Variants in BICC1 observed in about 807,000 individuals in gnomAD.
BICC1 encodes the protein BicC family RNA binding protein 1.
In BICC1, 43 loss-of-function variants were observed where a neutral mutation model predicts 111.0. The observed-to-expected ratio is 0.39, with a 90% confidence interval of 0.30 to 0.50. The LOEUF is 0.50. Among genes scored for constraint, BICC1 ranks in the 20% least tolerant of loss-of-function variants. The pLI is 0.88. For missense variants in BICC1, 1,091 were observed against 1,203.2 expected (o/e 0.91, Z 1.38); for synonymous variants, 467 against 434.4 (o/e 1.07, Z -0.93).
intron 3 of BICC1, among the ~76,000 whole-genome samples, chr10:58,726,815 G>A (rs545325986): frequency 6.6e-6 from 1 of 152,276 alleles, no homozygotes; most frequent in African/African-American, 2.4e-5. Context: ...ACTTCTTAAG[G>A]TTGAATACAC....
intron 1 of BICC1, among the ~76,000 whole-genome samples, chr10:58,545,810 A>G (rs866856197): frequency 2.0e-5 from 3 of 151,872 alleles, no homozygotes; most frequent in African/African-American, 4.8e-5. Flanking sequence ...TGTGTTTACT[A>G]CCTCCAACCA....
chr10:58,632,988 A>G (rs748937847), intron 2 of BICC1, among the ~76,000 whole-genome samples: 3 of 152,202 alleles, frequency 2.0e-5, no homozygotes, highest in South Asian at 4.1e-4. Flanking sequence ...TATTGTTTCT[A>G]TTCATTATTG....
Position 58,513,304 on chromosome 10 carries a change from A to G in BICC1, c.161A>G (p.Asp54Gly). ...PEWSEERFRV[D>G]RKKLEAMLQA... ...TGGAGCGAGGAGCGCTTCCGCGTGG[A>G]CAGGAAGAAACTTGAGGCCATGTTA... Residue 54 changes from aspartate to glycine, a missense_variant, in exon 1 of 21, where the codon GAC (aspartate) becomes GGC (glycine). Physicochemically the swap from Asp to Gly is moderately conservative, Grantham distance 94. Around this residue, in one of 3 missense-constraint regions of BICC1, gnomAD observed 843 missense variants for 900.8 expected, o/e 0.94. Coordinates refer to ENST00000373886, the MANE Select transcript of BICC1 (RefSeq NM_001080512.3). The G allele has an allele frequency of 6.2e-7, 1 of 1,609,944 alleles. No individual in the cohort carries two copies. The highest frequency in any genetic ancestry group is 8.5e-7 in the Non-Finnish European group (1 of 1,177,738).
intron 1 of BICC1, among the ~76,000 whole-genome samples, chr10:58,562,228 T>C (rs1184065782): frequency 6.6e-6 from 1 of 152,170 alleles, no homozygotes; most frequent in African/African-American, 2.4e-5. Flanking sequence ...TGAATTCCTA[T>C]AATGCGAAAA....
chr10:58,792,076 G>A (rs1843197455), intron 8 of BICC1, among the ~76,000 whole-genome samples: 2 of 152,158 alleles, frequency 1.3e-5, no homozygotes, highest in African/African-American at 4.8e-5. Flanking sequence ...ACAGGCATGA[G>A]CCATGGTTCC....
intron 20 of BICC1, among the ~76,000 whole-genome samples, chr10:58,827,594 A>G (rs909351553): frequency 6.6e-5 from 10 of 152,188 alleles, no homozygotes; most frequent in African/African-American, 2.4e-4. Flanking sequence ...GACGATGAGG[A>G]AGACATAGAA....
chr10:58,689,816 T>C (rs1346161158), intron 2 of BICC1, among the ~76,000 whole-genome samples: 1 of 152,212 alleles, frequency 6.6e-6, no homozygotes, highest in Non-Finnish European at 1.5e-5. Context: ...TTCTCCCTTT[T>C]ACCATTTGAT....
In BICC1 at chr10:58,512,991, T is replaced by TGGCGGC. The variant is rs564865167; in HGVS notation, c.-145_-140dup. 101 of 372,516 alleles carry TGGCGGC rather than the reference T, an allele frequency of 2.7e-4. No homozygotes were observed. In the East Asian group the frequency reaches 9.8e-3, roughly 36 times the overall value. 23.1% of individuals were successfully genotyped at this position (372,516 alleles called of 1,614,324 possible). A position where few individuals can be genotyped will look rare whatever the true frequency, so the allele number is the denominator to read the frequency against. On this transcript the variant is annotated 5_prime_UTR_variant, in exon 1 of 21. Transcript: ENST00000373886. ...GGGCTGGGATGCGCCGGGGGCTCAG[T>TGGCGGC]GGCGGCGGCGGCGTTGGCGGTGGCG...
intron 1 of BICC1, among the ~76,000 whole-genome samples, chr10:58,576,232 A>G (rs1171656194): frequency 1.3e-5 from 2 of 152,154 alleles, no homozygotes; most frequent in Non-Finnish European, 2.9e-5. Flanking sequence ...AAATTTCAAA[A>G]TTCCAGTGGA....
In BICC1 at chr10:58,708,819, T is replaced by C. The variant is rs374808882; in HGVS notation, c.307+6676T>C. ...AGGTGGTCTTTTCCTAGTGGCACAG[T>C]TGCTGGCATTCACCCATGCAAGCTT... is the stretch of plus-strand genomic sequence containing the variant. On this transcript the variant is annotated intron_variant, in intron 3 of 20. Coordinates refer to ENST00000373886, the MANE Select transcript of BICC1 (RefSeq NM_001080512.3). Among the ~76,000 whole-genome samples the C allele has an allele frequency of 5.4e-4, 82 of 152,316 alleles. 1 individual carries two copies. The highest frequency in any genetic ancestry group is 1.8e-3 in the African/African-American group (74 of 41,574).
chr10:58,662,478 A>C (rs1340078917), intron 2 of BICC1, among the ~76,000 whole-genome samples: 2 of 152,224 alleles, frequency 1.3e-5, no homozygotes, highest in African/African-American at 4.8e-5. Context: ...GAAGTCAGCT[A>C]AGTCTCCATA....
chr10:58,811,681 T>C (rs1843909912), intron 17 of BICC1, among the ~76,000 whole-genome samples: 1 of 152,172 alleles, frequency 6.6e-6, no homozygotes, highest in African/African-American at 2.4e-5. Context: ...GGAGCTTTCT[T>C]GTGGGTAGAA....
chr10:58,513,459 C>T (rs888347685), intron 1 of BICC1, 126 bp downstream of exon 1: 40 of 918,762 alleles, frequency 4.4e-5, no homozygotes, highest in Non-Finnish European at 5.9e-5. Flanking sequence ...CAGGCCCGCT[C>T]CCCCGCGGAG....
chr10:58,652,865 C>A (rs1838494480), intron 2 of BICC1, among the ~76,000 whole-genome samples: 1 of 152,086 alleles, frequency 6.6e-6, no homozygotes, highest in Non-Finnish European at 1.5e-5. Flanking sequence ...AATTGGAGTT[C>A]AGTAAATGTT....
intron 2 of BICC1, among the ~76,000 whole-genome samples, chr10:58,666,549 G>A (rs767366982): frequency 6.6e-6 from 1 of 152,168 alleles, no homozygotes; most frequent in Non-Finnish European, 1.5e-5. Context: ...CCTTATCCAA[G>A]CACACAGAAG....
chr10:58,780,682 A>G (rs1450175695), intron 3 of BICC1, among the ~76,000 whole-genome samples: 1 of 152,144 alleles, frequency 6.6e-6, no homozygotes, highest in Non-Finnish European at 1.5e-5. Flanking sequence ...TAATGTTTCC[A>G]GGGGTGGGAA....
At chr10:58,524,159 C>A (rs909583753) in intron 1 of BICC1, among the ~76,000 whole-genome samples, 1 of 152,114 alleles carries the variant, frequency 6.6e-6, no homozygotes, top group Non-Finnish European at 1.5e-5. Context: ...CCATCCCCAT[C>A]AAGCTACCAA....
At chr10:58,514,749 T>G (rs911626437) in intron 1 of BICC1, among the ~76,000 whole-genome samples, 1 of 152,210 alleles carries the variant, frequency 6.6e-6, no homozygotes, top group African/African-American at 2.4e-5. Flanking sequence ...AGTAAGACCG[T>G]TATAAGATAG....
At chr10:58,616,537 G>A (rs1004019650) in intron 1 of BICC1, among the ~76,000 whole-genome samples, 1 of 152,252 alleles carries the variant, frequency 6.6e-6, no homozygotes, top group Non-Finnish European at 1.5e-5. Flanking sequence ...GCTGAGGTTC[G>A]ACTTAGGGGA....
Sources: allele counts gnomAD v4.1 joint callset (sites outside exome capture counted in the v4.1 genomes callset), GRCh38; gene constraint gnomAD v4.1.1; regional missense constraint gnomAD v4.1.1; transcripts MANE v1.5; gene names NCBI Gene and HGNC (gene_info 2026-07-23, HGNC 2026-07-21).